Variants in HSD17B6 observed in about 807,000 individuals in gnomAD.
The protein encoded by HSD17B6 is hydroxysteroid 17-beta dehydrogenase 6, also known as 17-beta-hydroxysteroid dehydrogenase type 6.
HSD17B6 carries 16 observed loss-of-function variants against 26.4 expected under a neutral mutation model. The observed-to-expected ratio is 0.61, with a 90% CI of 0.41 to 0.92. The LOEUF (loss-of-function observed/expected upper bound fraction) is 0.92, where lower values mean the gene tolerates loss of function less well. HSD17B6 is among the 40% of genes least tolerant of loss of function. The pLI, the probability that HSD17B6 is intolerant of heterozygous loss-of-function variation, is 0.00. For synonymous variants in HSD17B6, 139 were observed against 153.0 expected (o/e 0.91, Z 0.68); for missense variants, 357 against 386.1 (o/e 0.92, Z 0.63).
chr12:56,784,461 G>A (rs1220174445), intron 3 of HSD17B6, among the ~76,000 whole-genome samples: 5 of 152,168 alleles, frequency 3.3e-5, no homozygotes, highest in South Asian at 2.1e-4. Flanking sequence ...GATCACTCGC[G>A]GTTAGGAGCT....
chr12:56,784,452 A>G (rs553979719), intron 3 of HSD17B6, among the ~76,000 whole-genome samples: 17 of 152,324 alleles, frequency 1.1e-4, no homozygotes, highest in Non-Finnish European at 1.9e-4. Context: ...AGGCTGGCGG[A>G]TCACTCGCGG....
chr12:56,768,700 G>A (rs950185593), intron 1 of HSD17B6, among the ~76,000 whole-genome samples: 1 of 132,792 alleles, frequency 7.5e-6, no homozygotes, highest in Non-Finnish European at 1.6e-5. Flanking sequence ...AACAGGTGTT[G>A]TTGCGAAATA....
At chr12:56,780,682 C>A (rs1185846361) in intron 2 of HSD17B6, among the ~76,000 whole-genome samples, 1 of 151,482 alleles carries the variant, frequency 6.6e-6, no homozygotes, top group African/African-American at 2.4e-5. Flanking sequence ...CACGGTGAAA[C>A]CCCCGTCTCT....
intron 3 of HSD17B6, among the ~76,000 whole-genome samples, chr12:56,783,207 A>T (rs1954765694): frequency 6.6e-6 from 1 of 150,942 alleles, no homozygotes; most frequent in African/African-American, 2.4e-5. Flanking sequence ...CTCACTTCCC[A>T]GTAGGGGCGG....
intron 2 of HSD17B6, among the ~76,000 whole-genome samples, chr12:56,776,495 A>T (rs184114463): frequency 8.2e-4 from 124 of 151,350 alleles, no homozygotes; most frequent in Non-Finnish European, 1.6e-3. Context: ...TCTTTTAGAG[A>T]CGTCATCTCA....
At chr12:56,768,302 C>T (rs1954388638) in intron 1 of HSD17B6, among the ~76,000 whole-genome samples, 1 of 151,866 alleles carries the variant, frequency 6.6e-6, no homozygotes, top group African/African-American at 2.4e-5. Flanking sequence ...GAGAGAGTTT[C>T]CAGAGAGTGA....
At chr12:56,776,689 T>C (rs1401772325) in intron 2 of HSD17B6, among the ~76,000 whole-genome samples, 1 of 152,142 alleles carries the variant, frequency 6.6e-6, no homozygotes, top group Non-Finnish European at 1.5e-5. Context: ...TCTTACTCTG[T>C]TGCCCAGGTT....
At chr12:56,765,421 C>T (rs1235943368) in intron 1 of HSD17B6, among the ~76,000 whole-genome samples, 1 of 152,066 alleles carries the variant, frequency 6.6e-6, no homozygotes, top group Admixed American at 6.6e-5. Flanking sequence ...GGCGACAGAG[C>T]AAGATTCCGT....
intron 1 of HSD17B6, among the ~76,000 whole-genome samples, chr12:56,767,134 A>G (rs1954346151): frequency 1.3e-5 from 2 of 152,218 alleles, no homozygotes; most frequent in South Asian, 2.1e-4. Context: ...TGTCTCTACT[A>G]TTCACTCTGT....
intron 1 of HSD17B6, among the ~76,000 whole-genome samples, chr12:56,765,164 C>T (rs528858535): frequency 6.6e-6 from 1 of 151,780 alleles, no homozygotes; most frequent in South Asian, 2.1e-4. Context: ...AGGCTGGGTG[C>T]GGTGGCTCAC....
At chr12:56,764,631 T>C (rs77651139) in intron 1 of HSD17B6, among the ~76,000 whole-genome samples, 164 of 152,298 alleles carry the variant, frequency 1.1e-3, no homozygotes, top group African/African-American at 3.9e-3. Flanking sequence ...TATCTAACAA[T>C]TATGTATTGC....
At chr12:56,764,517 C>T (rs944424018) in intron 1 of HSD17B6, among the ~76,000 whole-genome samples, 3 of 152,112 alleles carry the variant, frequency 2.0e-5, no homozygotes, top group African/African-American at 4.8e-5. Flanking sequence ...ATGCACATTC[C>T]CATGGCACAG....
chr12:56,773,931 C>T lies in HSD17B6; in HGVS notation c.79C>T (p.Leu27Phe). ...WYRERQVVSH[L>F]QDKYVFITGC... is the part of the protein sequence containing the mutation. Reference sequence around the variant, plus strand: ...CCGGGAGAGGCAGGTGGTGAGCCACCTCCAAGACAAGTATGTCTTTATCAC... The same window carrying T: ...CCGGGAGAGGCAGGTGGTGAGCCACTTCCAAGACAAGTATGTCTTTATCAC... The change falls in exon 2 of 5, where the codon CTC becomes TTC. Residue 27 changes from leucine (L) to phenylalanine (F), a missense_variant. Coordinates refer to ENST00000322165, the MANE Select transcript of HSD17B6 (RefSeq NM_003725.4). 1 of 1,613,986 alleles carries T rather than the reference C, an allele frequency of 6.2e-7. No individual in the cohort carries two copies.
chr12:56,783,925 C>T (rs1194471938), intron 3 of HSD17B6, among the ~76,000 whole-genome samples: 29 of 147,250 alleles, frequency 2.0e-4, no homozygotes, highest in Admixed American at 1.3e-3. Flanking sequence ...TCAAACGGGG[C>T]GGTTGCCAGG....
intron 4 of HSD17B6, chr12:56,785,926 G>T: frequency 1.0e-6 from 1 of 984,810 alleles, no homozygotes; most frequent in Non-Finnish European, 1.2e-6. Context: ...GTGGGAGTGG[G>T]ATTTGTCAAT....
In HSD17B6 at chr12:56,787,434, A is replaced by T. The variant is rs777445684; in HGVS notation, c.*92A>T. On this transcript the variant is annotated 3_prime_UTR_variant, in exon 5 of 5. Transcript: ENST00000322165. ...CTGATTTAGAACCCAGGCTTTTTGT[A>T]ACAATGTGTTTTCTTGCCTAAATTC... 5.0e-6 allele frequency: 4 copies of T among 792,328 alleles called. No homozygotes were observed. The highest frequency in any genetic ancestry group is 2.6e-5 in the Admixed American group (1 of 38,690). The allele number at this position is 792,328 out of a possible 1,614,324, so 49.1% of individuals were successfully genotyped here.
At chr12:56,779,893 G>C (rs891631642) in intron 2 of HSD17B6, among the ~76,000 whole-genome samples, 1 of 147,368 alleles carries the variant, frequency 6.8e-6, no homozygotes, top group African/African-American at 2.5e-5. Context: ...AATTATAGAA[G>C]ATGCTGGGGC....
chr12:56,781,529 C>T (rs967336670), intron 2 of HSD17B6, among the ~76,000 whole-genome samples: 4 of 152,110 alleles, frequency 2.6e-5, no homozygotes, highest in Admixed American at 6.6e-5. Flanking sequence ...GCAGGCTGGG[C>T]GTGGTGGCTC....
chr12:56,772,492 C>T (rs567943758), intron 1 of HSD17B6, among the ~76,000 whole-genome samples: 39 of 151,978 alleles, frequency 2.6e-4, no homozygotes, highest in African/African-American at 9.4e-4. Flanking sequence ...GTCAGGAGTT[C>T]ACGACTAGCC....
Sources: gnomAD v4.1 joint callset for allele counts (sites outside exome capture counted in the v4.1 genomes callset) on GRCh38, gnomAD v4.1.1 for gene constraint, MANE v1.5 for transcripts, NCBI Gene and HGNC (gene_info 2026-07-23, HGNC 2026-07-21) for gene names.